The following PDSS1 variants were observed in gnomAD, a reference collection of about 807,000 sequenced individuals.
PDSS1 encodes the protein all trans-polyprenyl-diphosphate synthase PDSS1.
Under a neutral mutation model 57.5 loss-of-function variants are expected in PDSS1, and 43 were observed. The observed-to-expected ratio is 0.75, with a 90% CI of 0.59 to 0.96. The LOEUF is 0.96. Among genes scored for constraint, PDSS1 ranks in the 50% least tolerant of loss-of-function variants. The pLI, the probability that PDSS1 is intolerant of heterozygous loss-of-function variation, is 0.00. For missense variants in PDSS1, 438 were observed against 527.8 expected, an observed-to-expected ratio of 0.83 and a Z score of 1.67; for synonymous variants, 175 against 191.3, an observed-to-expected ratio of 0.91 and a Z score of 0.70.
Position 26,709,429 on chromosome 10 carries a change from C to T in PDSS1, c.337-209C>T, listed in dbSNP as rs1780182. Reference sequence around the variant, plus strand: ...ACAAAAAATTAGCCAGGCATTGTGGCGGGTGCTTGTAATCCCAGCTGCTTG... The same window carrying T: ...ACAAAAAATTAGCCAGGCATTGTGGTGGGTGCTTGTAATCCCAGCTGCTTG... On this transcript the variant is annotated intron_variant, in intron 4 of 11. Transcript: ENST00000376215. Among the ~76,000 whole-genome samples, 83,699 of 151,768 alleles carry T rather than the reference C, an allele frequency of 0.55. 23,584 individuals are homozygous for T. Among genetic ancestry groups the T allele is most frequent in the Middle Eastern group, 0.64 (188 of 292 alleles).
chr10:26,708,724 C>T (rs111727208), intron 4 of PDSS1, among the ~76,000 whole-genome samples: 1 of 152,206 alleles, frequency 6.6e-6, no homozygotes, highest in Middle Eastern at 3.4e-3. Context: ...CTTCCTGCCC[C>T]TCGTAAACAG....
At position 26,746,254 on chromosome 10, in the gene PDSS1, T is replaced by C. The variant is rs1006614164; in HGVS notation, c.1108-79T>C. ...CTCATCTGATCTCAAAACTATGTGT[T>C]CATTTATTATAGCAGGAAGTTAAAA... On this transcript the variant is annotated intron_variant, in intron 11 of 11. Transcript: ENST00000376215. 87 of 1,373,938 alleles carry C rather than the reference T, an allele frequency of 6.3e-5. No homozygotes were observed. The Admixed American group carries it at 1.4e-3, about 23-fold the overall frequency. 85.1% of individuals were successfully genotyped at this position (1,373,938 alleles called of 1,614,324 possible).
At chr10:26,741,550 A>G (rs1379394205) in intron 10 of PDSS1, among the ~76,000 whole-genome samples, 1 of 152,216 alleles carries the variant, frequency 6.6e-6, no homozygotes, top group Non-Finnish European at 1.5e-5. Context: ...TATGCAGTCA[A>G]TGTCATGCAC....
intron 8 of PDSS1, among the ~76,000 whole-genome samples, chr10:26,733,982 G>A (rs145478888): frequency 6.6e-6 from 1 of 152,116 alleles, no homozygotes. Flanking sequence ...TCTAAAAAGA[G>A]ATAATAATAG....
chr10:26,731,616 T>C (rs945728725), intron 8 of PDSS1, among the ~76,000 whole-genome samples: 4 of 152,242 alleles, frequency 2.6e-5, no homozygotes, highest in Admixed American at 6.5e-5. Context: ...TGTACCAGTA[T>C]GTGTTTCCAC....
At chr10:26,723,327 C>T (rs766707455) in intron 6 of PDSS1, among the ~76,000 whole-genome samples, 1 of 152,172 alleles carries the variant, frequency 6.6e-6, no homozygotes, top group Non-Finnish European at 1.5e-5. Context: ...GAAGAATGAA[C>T]ATCCAGTGTA....
intron 5 of PDSS1, chr10:26,717,811 A>G (rs1407908635): frequency 6.6e-6 from 1 of 152,176 alleles, no homozygotes; most frequent in Non-Finnish European, 1.5e-5. Context: ...AATTTATTAG[A>G]CTGAAATTCA....
chr10:26,718,946 T>C (rs1392640807), intron 5 of PDSS1, among the ~76,000 whole-genome samples: 1 of 152,162 alleles, frequency 6.6e-6, no homozygotes, highest in Non-Finnish European at 1.5e-5. Flanking sequence ...TGTCGATAGT[T>C]AAATTACAGC....
chr10:26,720,495 T>G, intron 6 of PDSS1, 136 bp downstream of exon 6: 1 of 714,234 alleles, frequency 1.4e-6, no homozygotes, highest in Non-Finnish European at 2.5e-6. Flanking sequence ...CAAAAAAGTA[T>G]TCATGTCTTG....
intron 2 of PDSS1, 28 bp downstream of exon 2, chr10:26,702,222 TTAA>T (rs761994424): frequency 2.2e-6 from 1 of 445,642 alleles, no homozygotes; most frequent in African/African-American, 2.2e-5. Flanking sequence ...GACTTTTGAG[TTAA>T]TGCTAGAATG....
At chr10:26,744,212 A>G (rs1249489670) in intron 11 of PDSS1, among the ~76,000 whole-genome samples, 1 of 152,212 alleles carries the variant, frequency 6.6e-6, no homozygotes, top group Non-Finnish European at 1.5e-5. Context: ...AACTGGCTCA[A>G]TGAATAGCAA....
At chr10:26,729,904 CTTTTTTTTTTTTT>C (rs71403886) in intron 8 of PDSS1, among the ~76,000 whole-genome samples, 3 of 75,350 alleles carry the variant, frequency 4.0e-5, no homozygotes, top group South Asian at 5.6e-4. Context: ...TAGTTGGTTC[CTTTTTTTTTTTTT>C]TTTTTTTTTT....
chr10:26,699,113 C>T (rs898742674), intron 1 of PDSS1, among the ~76,000 whole-genome samples: 6 of 152,104 alleles, frequency 3.9e-5, no homozygotes, highest in African/African-American at 1.4e-4. Context: ...GCCTGGGCAA[C>T]AGTGTGAGAC....
chr10:26,725,588 G>T (rs968415272), intron 8 of PDSS1, among the ~76,000 whole-genome samples: 2 of 152,072 alleles, frequency 1.3e-5, no homozygotes, highest in Non-Finnish European at 2.9e-5. Context: ...CCTATTTTAA[G>T]TGGGTGCTCT....
chr10:26,709,809 G>T (rs773591926), intron 5 of PDSS1, 41 bp downstream of exon 5: 1 of 1,604,266 alleles, frequency 6.2e-7, no homozygotes, highest in Non-Finnish European at 8.5e-7. Context: ...TTTATATTTG[G>T]GAAGTCTTTC....
Position 26,712,460 on chromosome 10 carries a change from T to C in PDSS1, c.467+2692T>C, listed in dbSNP as rs1304459786. Among the ~76,000 whole-genome samples, 2 of 98,840 alleles carry C rather than the reference T, an allele frequency of 2.0e-5. 1 individual carries two copies. Among genetic ancestry groups the C allele is most frequent in the African/African-American group, 6.6e-5 (2 of 30,356 alleles). The allele number at this position is 98,840 out of a possible 152,430, so 64.8% of individuals were successfully genotyped here. On this transcript the variant is annotated intron_variant, in intron 5 of 11. Coordinates refer to ENST00000376215, the MANE Select transcript of PDSS1 (RefSeq NM_014317.5). ...GCTGCAGCCTTATTCTCCCTATAAG[T>C]GATTGGAGCAGGGCTTAGGAAAGTC...
rs1399937625 is a variant in PDSS1 at position 26,740,224 on chromosome 10, C to T, written c.1027-2273C>T. On this transcript the variant is annotated intron_variant, in intron 10 of 11. Coordinates refer to ENST00000376215, the MANE Select transcript of PDSS1 (RefSeq NM_014317.5). Reference sequence around the variant, plus strand: ...CTCGGGAGGCTGAGGCAGAGGATCACTTGAACCTATAGGAGTTTGAGGCTG... The same window carrying T: ...CTCGGGAGGCTGAGGCAGAGGATCATTTGAACCTATAGGAGTTTGAGGCTG... Among the ~76,000 whole-genome samples, 3 of 152,050 alleles carry T rather than the reference C, an allele frequency of 2.0e-5. No individual in the cohort carries two copies. The East Asian group carries it at 5.8e-4, about 29-fold the overall frequency.
chr10:26,709,630 T>G lies in PDSS1; in HGVS notation c.337-8T>G, dbSNP rs1184904230. On this transcript the variant is annotated splice_polypyrimidine_tract_variant and splice_region_variant and intron_variant, in intron 4 of 11. Transcript: ENST00000376215. ...ATGCCATTGTGACACAGAGAAACTT[T>G]ATTTCAGGAACTGCTTATATCAACA... 6.2e-7 allele frequency: 1 copy of G among 1,613,736 alleles called. No homozygotes were observed. Among genetic ancestry groups the G allele is most frequent in the Admixed American group, 1.7e-5 (1 of 60,020 alleles).
intron 5 of PDSS1, among the ~76,000 whole-genome samples, chr10:26,713,771 A>G (rs1475417403): frequency 1.3e-5 from 2 of 152,138 alleles, no homozygotes; most frequent in African/African-American, 4.8e-5. Flanking sequence ...TTGCCCCCAG[A>G]TCCCCCGTCA....
Sources: gnomAD v4.1 joint callset for allele counts (sites outside exome capture counted in the v4.1 genomes callset) on GRCh38, gnomAD v4.1.1 for gene constraint, MANE v1.5 for transcripts, NCBI Gene and HGNC (gene_info 2026-07-23, HGNC 2026-07-21) for gene names.